STK10: variants seen among roughly 807,000 people sequenced by gnomAD.
STK10 encodes the protein serine/threonine kinase 10.
In STK10, 78 loss-of-function variants were observed where a neutral mutation model predicts 113.8. The observed-to-expected ratio is 0.69, with a 90% CI of 0.57 to 0.83. The LOEUF (loss-of-function observed/expected upper bound fraction) is 0.83, where lower values mean the gene tolerates loss of function less well. Ranked by LOEUF, STK10 falls within the 40% of genes least tolerant of loss-of-function variation. The pLI is 0.00. For missense variants in STK10, 1,109 were observed against 1,280.1 expected, an observed-to-expected ratio of 0.87 and a Z score of 2.04; for synonymous variants, 465 against 494.7, an observed-to-expected ratio of 0.94 and a Z score of 0.80.
At chr5:172,080,206 A>G (rs1768400549) in intron 12 of STK10, among the ~76,000 whole-genome samples, 1 of 152,188 alleles carries the variant, frequency 6.6e-6, no homozygotes, top group Non-Finnish European at 1.5e-5. Context: ...AACTTAATCA[A>G]TAAGTGTTGA....
intron 10 of STK10, among the ~76,000 whole-genome samples, chr5:172,087,284 T>C (rs114065391): frequency 0.036 from 5,177 of 143,092 alleles, 121 homozygotes; most frequent in Middle Eastern, 0.055. Context: ...TATTTATTTA[T>C]TTACTTTTGA....
chr5:172,080,774 G>GT (rs201724344), intron 12 of STK10, among the ~76,000 whole-genome samples: 6,903 of 152,316 alleles, frequency 0.045, 544 homozygotes, highest in African/African-American at 0.16. Context: ...AAAGTGCAAG[G>GT]TGCAGCAGCA....
intron 6 of STK10, 139 bp downstream of exon 6, chr5:172,106,481 C>T: frequency 5.5e-6 from 5 of 906,246 alleles, no homozygotes; most frequent in Non-Finnish European, 7.8e-6. Flanking sequence ...CTGAAGACCC[C>T]CAGGCCCCAA....
intron 7 of STK10, among the ~76,000 whole-genome samples, chr5:172,097,229 G>A (rs182114229): frequency 2.0e-5 from 3 of 152,182 alleles, no homozygotes; most frequent in African/African-American, 4.8e-5. Flanking sequence ...TAGTAGAGAC[G>A]GGGTTTCACC....
intron 3 of STK10, among the ~76,000 whole-genome samples, chr5:172,118,216 GAC>G (rs1357914664): frequency 6.6e-6 from 1 of 152,166 alleles, no homozygotes; most frequent in East Asian, 1.9e-4. Flanking sequence ...CAGGTGGGAA[GAC>G]ACAGATCTGA....
At chr5:172,117,449 T>C in intron 4 of STK10, 32 bp downstream of exon 4, 1 of 1,606,400 alleles carries the variant, frequency 6.2e-7, no homozygotes, top group Non-Finnish European at 8.5e-7. Flanking sequence ...AGACACCCTG[T>C]GGCTCCACCT....
chr5:172,069,282 T>C (rs1460586073), intron 12 of STK10, among the ~76,000 whole-genome samples: 1 of 152,118 alleles, frequency 6.6e-6, no homozygotes, highest in Non-Finnish European at 1.5e-5. Flanking sequence ...AACTATATGC[T>C]GTCAACAAGA....
At chr5:172,075,175 G>GAAAAAAAAAAAAAAAA (rs76527234) in intron 12 of STK10, among the ~76,000 whole-genome samples, 1 of 103,492 alleles carries the variant, frequency 9.7e-6, no homozygotes. Flanking sequence ...GTCAAAAAAA[G>GAAAAAAAAAAAAAAAA]AAAAAAAAAA....
At position 172,053,006 on chromosome 5, in the gene STK10, G is replaced by T; in HGVS notation, c.2689C>A (p.Gln897Lys). 3.1e-6 allele frequency: 5 copies of T among 1,614,186 alleles called. No individual in the cohort carries two copies. Among genetic ancestry groups the T allele is most frequent in the Non-Finnish European group, 4.2e-6 (5 of 1,180,036 alleles). The change falls in exon 18 of 19, where the codon CAG becomes AAG. Residue 897 changes from glutamine (Q) to lysine (K), a missense_variant. Gln to Lys is a moderately conservative substitution (Grantham distance 53). Transcript: ENST00000176763. ...KCHLLVEHET[Q>K]KLKALDESHN... ...CTCTCATCCAGGGCCTTCAGTTTCT[G>T]GGTTTCGTGCTCTACCAGGAGGTGG...
At chr5:172,115,614 A>G (rs1769366004) in intron 4 of STK10, among the ~76,000 whole-genome samples, 1 of 152,108 alleles carries the variant, frequency 6.6e-6, no homozygotes, top group Non-Finnish European at 1.5e-5. Context: ...ATCATTTGCC[A>G]CTAAGAGAGG....
At position 172,082,723 on chromosome 5, in the gene STK10, G is replaced by A. The variant is rs781760297; in HGVS notation, c.1810-218C>T. Among the ~76,000 whole-genome samples, 15 of 152,158 alleles carry A rather than the reference G, an allele frequency of 9.9e-5. No homozygotes were observed. The highest frequency in any genetic ancestry group is 1.8e-4 in the Non-Finnish European group (12 of 68,034). ...AGACCAGACCATGTGTTGTTGCACG[G>A]TGCTCAATACAGGTTATTTCCCCTC... On this transcript the variant is annotated intron_variant, in intron 11 of 18. Transcript: ENST00000176763. The surrounding 1 kb of genome is among the most constrained non-coding windows in gnomAD (Gnocchi z 4.3).
chr5:172,160,066 A>T (rs1770438537), intron 1 of STK10, among the ~76,000 whole-genome samples: 1 of 151,504 alleles, frequency 6.6e-6, no homozygotes, highest in African/African-American at 2.4e-5. Flanking sequence ...AACTCGGGAG[A>T]CGGAGATTGC....
intron 2 of STK10, among the ~76,000 whole-genome samples, chr5:172,151,668 T>C (rs1770236843): frequency 1.3e-5 from 2 of 152,180 alleles, no homozygotes; most frequent in South Asian, 2.1e-4. Flanking sequence ...ATATCCATCC[T>C]GATCACTGCT....
intron 6 of STK10, 107 bp downstream of exon 6, chr5:172,106,513 C>T (rs894719803): frequency 1.6e-6 from 2 of 1,258,750 alleles, no homozygotes; most frequent in Admixed American, 2.7e-5. Context: ...GAGCTAGCAG[C>T]ACCAGGAGAA....
intron 12 of STK10, among the ~76,000 whole-genome samples, chr5:172,081,962 C>T (rs778241444): frequency 2.0e-5 from 3 of 152,152 alleles, no homozygotes; most frequent in Non-Finnish European, 4.4e-5. Flanking sequence ...TGTGCCTACC[C>T]ACCCAGCACC....
At chr5:172,057,993 T>G (rs1028723405) in intron 14 of STK10, among the ~76,000 whole-genome samples, 6 of 152,148 alleles carry the variant, frequency 3.9e-5, no homozygotes, top group Non-Finnish European at 4.4e-5. Context: ...GAAAAATGGG[T>G]GAGATCCTCC....
At chr5:172,148,913 T>A (rs900576391) in intron 2 of STK10, among the ~76,000 whole-genome samples, 1 of 152,132 alleles carries the variant, frequency 6.6e-6, no homozygotes, top group African/African-American at 2.4e-5. Context: ...GAGCCAGGCG[T>A]GGTGGCTCAC....
intron 1 of STK10, among the ~76,000 whole-genome samples, chr5:172,172,542 G>A (rs1021129118): frequency 4.6e-5 from 7 of 152,220 alleles, no homozygotes; most frequent in Non-Finnish European, 8.8e-5. Flanking sequence ...AGATGCCTAT[G>A]TCCCACTGTG....
intron 14 of STK10, 149 bp from the exon 15 acceptor site, chr5:172,057,622 G>C: frequency 7.5e-7 from 1 of 1,325,958 alleles, no homozygotes; most frequent in Non-Finnish European, 1.0e-6. Context: ...TACCTCATTA[G>C]ACCATGTTGG....
Sources: allele counts gnomAD v4.1 joint callset (sites outside exome capture counted in the v4.1 genomes callset), GRCh38; gene constraint gnomAD v4.1.1; non-coding constraint Gnocchi (gnomAD v3.1); transcripts MANE v1.5; gene names NCBI Gene and HGNC (gene_info 2026-07-23, HGNC 2026-07-21).